The following CBR4 variants were observed in gnomAD, a reference collection of about 807,000 sequenced individuals.
CBR4 encodes the protein 3-oxoacyl-[acyl-carrier-protein] reductase.
CBR4 carries 22 observed loss-of-function variants against 21.0 expected under a neutral mutation model. The ratio of observed to expected loss-of-function variants is 1.05; its 90% CI spans 0.75 to 1.50. The LOEUF is 1.50. Ranked by LOEUF, CBR4 falls within the 40% of genes most tolerant of loss-of-function variation. The pLI, the probability that CBR4 is intolerant of heterozygous loss-of-function variation, is 0.00. For synonymous variants in CBR4, 100 were observed against 104.4 expected (o/e 0.96, Z 0.26); for missense variants, 302 against 286.3 (o/e 1.05, Z -0.40).
intron 2 of CBR4, among the ~76,000 whole-genome samples, chr4:168,910,355 G>C (rs1364333317): frequency 6.6e-6 from 1 of 151,248 alleles, no homozygotes; most frequent in East Asian, 1.9e-4. Flanking sequence ...GTACATTTCA[G>C]TATGATTGTG....
At chr4:168,894,811 A>T in intron 2 of CBR4, 2 of 1,436,256 alleles carry the variant, frequency 1.4e-6, no homozygotes, top group Non-Finnish European at 9.4e-7. Context: ...TATTAATATC[A>T]TCAGTCAACC....
chr4:168,928,517 A>G (rs1007566692), intron 2 of CBR4: 1 of 165,718 alleles, frequency 6.0e-6, no homozygotes, highest in Non-Finnish European at 1.3e-5. Flanking sequence ...AGGCTTCAGC[A>G]TCACTCATTT....
intron 4 of CBR4, among the ~76,000 whole-genome samples, chr4:168,997,606 A>G (rs1765267606): frequency 6.6e-6 from 1 of 152,208 alleles, no homozygotes; most frequent in African/African-American, 2.4e-5. Context: ...AAAAATTTTT[A>G]AACAATTTTT....
chr4:168,990,372 G>A, intron 4 of CBR4, 44 bp from the exon 5 acceptor site: 2 of 1,375,780 alleles, frequency 1.5e-6, no homozygotes, highest in Non-Finnish European at 9.6e-7. Flanking sequence ...TACACACTAA[G>A]ACATCTGCTG....
chr4:168,925,451 T>TAACA, intron 2 of CBR4: 1 of 643,580 alleles, frequency 1.6e-6, no homozygotes, highest in Non-Finnish European at 2.8e-6. Context: ...GACTGCCTTT[T>TAACA]AACATTTCTT....
chr4:168,983,382 G>A (rs182060554), downstream of CBR4, among the ~76,000 whole-genome samples: 7 of 151,844 alleles, frequency 4.6e-5, no homozygotes, highest in East Asian at 1.9e-4. Flanking sequence ...TTGACACCCC[G>A]AACAGACAAA....
At chr4:168,934,289 A>C (rs1250244324) in intron 2 of CBR4, among the ~76,000 whole-genome samples, 1 of 147,968 alleles carries the variant, frequency 6.8e-6, no homozygotes, top group Non-Finnish European at 1.5e-5. Flanking sequence ...AAACAAAAAA[A>C]AAAAAAAAAA....
rs936384501 is a variant in CBR4 at position 168,925,156 on chromosome 4, A to G, written n.170-30391T>C. ...ATTAGACATCTGGACAGCAAATCAC[A>G]TTACTCTTTATAAACAACTATTGTG... is the stretch of plus-strand genomic sequence containing the variant. On this transcript the variant is annotated intron_variant and non_coding_transcript_variant, in intron 2 of 3. Transcript: ENST00000509108. 1.5e-5 allele frequency: 23 copies of G among 1,584,852 alleles called. No homozygotes were observed. The East Asian group carries it at 5.1e-4, about 35-fold the overall frequency.
intron 4 of CBR4, among the ~76,000 whole-genome samples, chr4:168,997,596 A>G (rs1317394937): frequency 6.6e-6 from 1 of 152,192 alleles, no homozygotes; most frequent in African/African-American, 2.4e-5. Context: ...CCCATCTCAA[A>G]AAAATTTTTA....
intron 2 of CBR4, among the ~76,000 whole-genome samples, chr4:168,970,054 G>A (rs1342504504): frequency 6.6e-6 from 1 of 152,076 alleles, no homozygotes; most frequent in African/African-American, 2.4e-5. Context: ...TCTATGAAAC[G>A]CCTGTTTTTT....
At chr4:168,999,605 A>G (rs1488714802) in intron 4 of CBR4, among the ~76,000 whole-genome samples, 1 of 151,438 alleles carries the variant, frequency 6.6e-6, no homozygotes, top group Admixed American at 6.6e-5. Context: ...GCTCAACAAA[A>G]AAGGGGAGTG....
At chr4:168,959,889 A>AG (rs1295842682) in intron 2 of CBR4, among the ~76,000 whole-genome samples, 1 of 151,014 alleles carries the variant, frequency 6.6e-6, no homozygotes, top group Non-Finnish European at 1.5e-5. Flanking sequence ...AAAAAAAAAA[A>AG]CCTTCTGAAA....
chr4:168,896,672 G>C (rs969824644), intron 2 of CBR4: 1 of 831,030 alleles, frequency 1.2e-6, no homozygotes, highest in Non-Finnish European at 1.9e-6. Flanking sequence ...CCTGTTTTAC[G>C]TGTGTTTCTA....
chr4:168,910,922 T>G (rs1758812200), intron 2 of CBR4, among the ~76,000 whole-genome samples: 1 of 152,138 alleles, frequency 6.6e-6, no homozygotes, highest in Non-Finnish European at 1.5e-5. Context: ...TATATTCACA[T>G]GGAAATTCTT....
chr4:168,990,246 A>G lies in CBR4; in HGVS notation c.618T>C (p.Thr206=), dbSNP rs1764846545. ...KNIPLGRFGE[T]IEVAHAVVFL... ...ACACAACCGCATGTGCCACCTCAAT[A>G]GTTTCTCCAAACCTCCCAAGAGGAA... Residue 206 remains threonine, a synonymous_variant, in exon 5 of 5, where the codon ACT becomes ACC. Transcript: ENST00000306193. The G allele has an allele frequency of 6.2e-7, 1 of 1,613,618 alleles. No homozygotes were observed.
Position 168,997,472 on chromosome 4 carries a change from T to C in CBR4, c.535+4599A>G, listed in dbSNP as rs115203644. Among the ~76,000 whole-genome samples, 1,346 of 152,270 alleles carry C rather than the reference T, an allele frequency of 8.8e-3. 19 individuals are homozygous for C. The highest frequency in any genetic ancestry group is 0.03 in the African/African-American group (1,264 of 41,548). On this transcript the variant is annotated intron_variant, in intron 4 of 4. Transcript: ENST00000306193. Reference sequence around the variant, plus strand: ...GATATAGGCCAGGTGTGGTGGCTTATGCCTGTAATCCCAGCTACTACTGAG... The same window carrying C: ...GATATAGGCCAGGTGTGGTGGCTTACGCCTGTAATCCCAGCTACTACTGAG...
intron 2 of CBR4, among the ~76,000 whole-genome samples, chr4:168,906,834 A>G (rs74779044): frequency 0.022 from 3,423 of 152,230 alleles, 128 homozygotes; most frequent in African/African-American, 0.075. Flanking sequence ...CCCAAAGCCC[A>G]ATATATAATG....
chr4:168,997,046 C>G (rs1765239708), intron 4 of CBR4, among the ~76,000 whole-genome samples: 2 of 152,050 alleles, frequency 1.3e-5, no homozygotes, highest in Admixed American at 1.3e-4. Context: ...AAGGACTCTC[C>G]CCCATATCAT....
At chr4:168,914,741 T>G (rs906782627) in intron 2 of CBR4, among the ~76,000 whole-genome samples, 1 of 152,252 alleles carries the variant, frequency 6.6e-6, no homozygotes, top group Non-Finnish European at 1.5e-5. Context: ...GTCCTGAGTC[T>G]AAATTACAGG....
Sources: allele counts gnomAD v4.1 joint callset (sites outside exome capture counted in the v4.1 genomes callset), GRCh38; gene constraint gnomAD v4.1.1; transcripts MANE v1.5; gene names NCBI Gene and HGNC (gene_info 2026-07-23, HGNC 2026-07-21).